The following ADAMTSL1 variants were observed in gnomAD, a reference collection of about 807,000 sequenced individuals.
ADAMTSL1 encodes ADAMTS-like protein 1.
In ADAMTSL1, 126 loss-of-function variants were observed where a neutral mutation model predicts 201.8. The ratio of observed to expected loss-of-function variants is 0.62; its 90% confidence interval spans 0.54 to 0.72. ADAMTSL1 has a LOEUF of 0.72. Ranked by LOEUF, ADAMTSL1 falls within the 30% of genes least tolerant of loss-of-function variation. ADAMTSL1 has a pLI of 0.00. For synonymous variants in ADAMTSL1, 1,121 were observed against 903.4 expected, an observed-to-expected ratio of 1.24 and a Z score of -4.32; for missense variants, 2,679 against 2,277.8, an observed-to-expected ratio of 1.18 and a Z score of -3.59.
upstream of ADAMTSL1, among the ~76,000 whole-genome samples, chr9:18,470,915 C>T (rs1455605356): frequency 2.0e-5 from 3 of 152,178 alleles, no homozygotes; most frequent in Admixed American, 6.6e-5. Context: ...TCAGCTGCCA[C>T]GGCTTCTGCT....
At chr9:18,288,291 A>T (rs532215684) in intron 2 of ADAMTSL1, among the ~76,000 whole-genome samples, 1 of 152,172 alleles carries the variant, frequency 6.6e-6, no homozygotes, top group Non-Finnish European at 1.5e-5. Context: ...GCAGTTATCA[A>T]GAAAGAACCA....
At chr9:18,902,336 C>T (rs575868570) in intron 26 of ADAMTSL1, among the ~76,000 whole-genome samples, 1 of 152,086 alleles carries the variant, frequency 6.6e-6, no homozygotes, top group South Asian at 2.1e-4. Flanking sequence ...GAAAAATTAT[C>T]CAAAAAAGGA....
chr9:18,036,406 T>A (rs763386504), intron 1 of ADAMTSL1, among the ~76,000 whole-genome samples: 6 of 152,204 alleles, frequency 3.9e-5, no homozygotes, highest in Non-Finnish European at 8.8e-5. Flanking sequence ...GTTGACTTTG[T>A]TCTCCATTAG....
intron 2 of ADAMTSL1, among the ~76,000 whole-genome samples, chr9:18,286,822 A>C (rs570038281): frequency 4.3e-4 from 65 of 152,312 alleles, no homozygotes; most frequent in African/African-American, 1.4e-3. Context: ...CACTAGACTA[A>C]TTCACAGATT....
intron 23 of ADAMTSL1, among the ~76,000 whole-genome samples, chr9:18,874,805 C>T (rs908243873): frequency 4.6e-5 from 7 of 151,754 alleles, no homozygotes; most frequent in African/African-American, 1.7e-4. Context: ...AGGACTCCCT[C>T]TTCTCTTTTT....
intron 2 of ADAMTSL1, among the ~76,000 whole-genome samples, chr9:18,241,153 C>T (rs1831046226): frequency 6.6e-6 from 1 of 152,148 alleles, no homozygotes; most frequent in Non-Finnish European, 1.5e-5. Context: ...GTACAAGAAG[C>T]CTAGTTTTCT....
intron 4 of ADAMTSL1, among the ~76,000 whole-genome samples, chr9:18,615,815 A>G (rs1232612291): frequency 6.6e-6 from 1 of 152,156 alleles, no homozygotes; most frequent in Admixed American, 6.5e-5. Context: ...TCTAGAGCCC[A>G]GTGTCTTTAC....
chr9:18,581,013 T>A (rs1165856183), intron 4 of ADAMTSL1, among the ~76,000 whole-genome samples: 1 of 152,094 alleles, frequency 6.6e-6, no homozygotes, highest in African/African-American at 2.4e-5. Flanking sequence ...ACATGGTGGC[T>A]TAAAACAACA....
chr9:18,324,046 T>G (rs1399562790), intron 2 of ADAMTSL1, among the ~76,000 whole-genome samples: 5 of 152,162 alleles, frequency 3.3e-5, no homozygotes, highest in Admixed American at 1.3e-4. Flanking sequence ...AGAATGAGAT[T>G]AAATAGGATT....
Position 18,070,261 on chromosome 9 carries a change from A to G in ADAMTSL1, c.88-93601A>G, listed in dbSNP as rs946081179. ...AGGAAAACATGTCCTGAAGGAGTGGATAGCCAGTCCTTCCACAGAGGAGCC... is the reference window on the plus strand; with the variant it reads ...AGGAAAACATGTCCTGAAGGAGTGGGTAGCCAGTCCTTCCACAGAGGAGCC... On this transcript the variant is annotated intron_variant, in intron 1 of 29. Coordinates refer to the ADAMTSL1 transcript ENST00000680146. Among the ~76,000 whole-genome samples the G allele has an allele frequency of 3.3e-5, 5 of 152,232 alleles. No individual in the cohort carries two copies. In the East Asian group the frequency reaches 7.7e-4, roughly 23 times the overall value.
intron 7 of ADAMTSL1, among the ~76,000 whole-genome samples, chr9:18,644,800 G>T (rs1827683479): frequency 6.6e-6 from 1 of 151,982 alleles, no homozygotes; most frequent in African/African-American, 2.4e-5. Flanking sequence ...TTGGACATTT[G>T]GGTTAGTTCC....
At chr9:18,875,922 G>C (rs1409423921) in intron 23 of ADAMTSL1, among the ~76,000 whole-genome samples, 1 of 152,008 alleles carries the variant, frequency 6.6e-6, no homozygotes, top group Non-Finnish European at 1.5e-5. Context: ...AAGTTTGGGA[G>C]CTCCAGTATT....
chr9:18,847,754 A>C (rs1482993699), intron 23 of ADAMTSL1, among the ~76,000 whole-genome samples: 1 of 152,240 alleles, frequency 6.6e-6, no homozygotes, highest in Non-Finnish European at 1.5e-5. Flanking sequence ...GGAACAACAA[A>C]AAGGCCAGTG....
chr9:18,127,854 T>C (rs1825802862), intron 1 of ADAMTSL1, among the ~76,000 whole-genome samples: 1 of 152,218 alleles, frequency 6.6e-6, no homozygotes, highest in Non-Finnish European at 1.5e-5. Flanking sequence ...CCATTTTGTT[T>C]TCCTCTCCTG....
At chr9:18,405,986 T>C (rs1818175802) in intron 2 of ADAMTSL1, among the ~76,000 whole-genome samples, 1 of 152,218 alleles carries the variant, frequency 6.6e-6, no homozygotes, top group African/African-American at 2.4e-5. Context: ...TCTTTAAACC[T>C]GGTTGCTTAG....
rs865884658 is a variant in ADAMTSL1, at chr9:18,859,695, T to G, written c.4250-28136T>G. The stretch of plus-strand genomic sequence containing the variant: ...TCAGTGCTACTTCAGTCATGTAACC[T>G]AGGGAAATATTTGGTCACAGAGATG... On this transcript the variant is annotated intron_variant, in intron 23 of 28. Coordinates refer to ENST00000380548, the MANE Select transcript of ADAMTSL1 (RefSeq NM_001040272.6). Among the ~76,000 whole-genome samples the G allele has an allele frequency of 7.9e-5, 12 of 152,338 alleles. 1 individual carries two copies. In the Middle Eastern group the frequency reaches 0.01, roughly 130 times the overall value.
At chr9:18,497,296 G>A (rs1822579227) in intron 1 of ADAMTSL1, among the ~76,000 whole-genome samples, 1 of 152,052 alleles carries the variant, frequency 6.6e-6, no homozygotes, top group Non-Finnish European at 1.5e-5. Flanking sequence ...TTAAATGACT[G>A]TAGTTTCTAC....
chr9:18,403,053 G>A (rs984671831), intron 2 of ADAMTSL1, among the ~76,000 whole-genome samples: 8 of 152,294 alleles, frequency 5.3e-5, no homozygotes, highest in African/African-American at 1.9e-4. Flanking sequence ...AAATGGCAGA[G>A]CTGTGGTTTC....
chr9:18,272,859 T>C (rs36073480), intron 2 of ADAMTSL1, among the ~76,000 whole-genome samples: 6,941 of 152,302 alleles, frequency 0.046, 244 homozygotes, highest in Non-Finnish European at 0.074. Context: ...TTTGAGCTCA[T>C]AGCAGTTAAA....
Sources: allele counts gnomAD v4.1 joint callset (sites outside exome capture counted in the v4.1 genomes callset), GRCh38; gene constraint gnomAD v4.1.1; transcripts MANE v1.5; gene names NCBI Gene and HGNC (gene_info 2026-07-23, HGNC 2026-07-21).